The following HSD17B12 variants were observed in gnomAD, a reference collection of about 807,000 sequenced individuals.
HSD17B12 encodes the protein hydroxysteroid 17-beta dehydrogenase 12.
A neutral mutation model predicts 39.3 loss-of-function variants in HSD17B12; 32 were observed. The observed-to-expected ratio is 0.81, with a 90% confidence interval of 0.61 to 1.09. The LOEUF (loss-of-function observed/expected upper bound fraction) is 1.09. HSD17B12 is among the 50% of genes least tolerant of loss of function. HSD17B12 has a pLI of 0.00. For synonymous variants in HSD17B12, 150 were observed against 146.7 expected (o/e 1.02, Z -0.16); for missense variants, 342 against 382.9 (o/e 0.89, Z 0.89).
the HSD17B12 span, among the ~76,000 whole-genome samples, chr11:43,646,733 A>G: frequency 6.6e-6 from 1 of 152,216 alleles, no homozygotes; most frequent in South Asian, 2.1e-4. Flanking sequence ...ATCTCTCTAC[A>G]AAGTGGTGAG....
the HSD17B12 span, among the ~76,000 whole-genome samples, chr11:43,608,875 C>T: frequency 1.3e-5 from 2 of 152,134 alleles, no homozygotes; most frequent in Non-Finnish European, 2.9e-5. Context: ...CTTGCTGCCT[C>T]ATAGGGACCC....
the HSD17B12 span, among the ~76,000 whole-genome samples, chr11:43,635,421 T>A: frequency 6.6e-6 from 1 of 152,038 alleles, no homozygotes; most frequent in African/African-American, 2.4e-5. Flanking sequence ...TTATTTTATT[T>A]TTTAAAATGC....
At chr11:43,787,496 G>A (rs184066079) in intron 3 of HSD17B12, among the ~76,000 whole-genome samples, 352 of 152,068 alleles carry the variant, frequency 2.3e-3, no homozygotes, top group Non-Finnish European at 3.3e-3. Context: ...CAACACTGTG[G>A]GAGGCCGAAG....
chr11:43,631,501 T>C, the HSD17B12 span, among the ~76,000 whole-genome samples: 1 of 152,088 alleles, frequency 6.6e-6, no homozygotes, highest in Non-Finnish European at 1.5e-5. Flanking sequence ...GGTTCCTACA[T>C]GAGGCGGCTG....
chr11:43,592,192 AG>A, the HSD17B12 span, among the ~76,000 whole-genome samples: 1 of 152,080 alleles, frequency 6.6e-6, no homozygotes, highest in Non-Finnish European at 1.5e-5. Flanking sequence ...ACATCAAAAC[AG>A]GTTGTTTTAT....
chr11:43,558,424 AT>A, the HSD17B12 span, among the ~76,000 whole-genome samples: 149,484 of 151,786 alleles, frequency 0.98, 73,638 homozygotes, highest in Middle Eastern at 1. Flanking sequence ...TGAGAGCAGG[AT>A]TTTTTTTTTC....
chr11:43,631,396 T>C, the HSD17B12 span, among the ~76,000 whole-genome samples: 5 of 152,190 alleles, frequency 3.3e-5, no homozygotes, highest in Middle Eastern at 3.2e-3. Context: ...CTTCCAATTT[T>C]TCCAGAACAT....
At chr11:43,820,562 C>T (rs1352789834) in intron 6 of HSD17B12, among the ~76,000 whole-genome samples, 1 of 152,136 alleles carries the variant, frequency 6.6e-6, no homozygotes, top group Non-Finnish European at 1.5e-5. Flanking sequence ...TACAGAATCT[C>T]CAAAGGTTTT....
the HSD17B12 span, among the ~76,000 whole-genome samples, chr11:43,596,785 C>A: frequency 5.3e-5 from 8 of 152,148 alleles, no homozygotes; most frequent in Admixed American, 4.6e-4. Flanking sequence ...ATCTGTCACC[C>A]TTTTCTCATG....
chr11:43,693,457 A>G (rs1949881525), intron 1 of HSD17B12, among the ~76,000 whole-genome samples: 1 of 152,182 alleles, frequency 6.6e-6, no homozygotes, highest in South Asian at 2.1e-4. Context: ...TAAGGATGCC[A>G]TTATGCCATG....
chr11:43,840,387 TA>T (rs2135129501), intron 9 of HSD17B12, among the ~76,000 whole-genome samples: 1 of 152,222 alleles, frequency 6.6e-6, no homozygotes, highest in South Asian at 2.1e-4. Flanking sequence ...TGTGGTAAAA[TA>T]AACATAAAAT....
At position 43,816,441 on chromosome 11, in the gene HSD17B12, C is replaced by T. The variant is rs778632802; in HGVS notation, c.501+50C>T. On this transcript the variant is annotated intron_variant, in intron 6 of 10. Transcript: ENST00000278353. ...TCATCCTTTTTTGGTTCCTTCTATT[C>T]AAAAACACTGACATAATCAGCTTGT... is the stretch of plus-strand genomic sequence containing the variant. 2.1e-6 allele frequency: 3 copies of T among 1,458,618 alleles called. No homozygotes were observed. In the African/African-American group the frequency reaches 4.4e-5, roughly 21 times the overall value. 90.4% of individuals were successfully genotyped at this position (1,458,618 alleles called of 1,614,324 possible). A position where few individuals can be genotyped will look rare whatever the true frequency, so the allele number is the denominator to read the frequency against.
the HSD17B12 span, among the ~76,000 whole-genome samples, chr11:43,631,082 G>C: frequency 6.6e-6 from 1 of 152,196 alleles, no homozygotes; most frequent in Admixed American, 6.5e-5. Flanking sequence ...TGGGATTACA[G>C]GCGTGAGCCA....
intron 1 of HSD17B12, among the ~76,000 whole-genome samples, chr11:43,709,793 AGGGAG>A: frequency 6.6e-6 from 1 of 152,158 alleles, no homozygotes; most frequent in Non-Finnish European, 1.5e-5. Context: ...TGAATAGAAA[AGGGAG>A]AGAGTTGACC....
At chr11:43,799,194 CT>C (rs1950942902) in intron 4 of HSD17B12, among the ~76,000 whole-genome samples, 1 of 151,756 alleles carries the variant, frequency 6.6e-6, no homozygotes, top group Non-Finnish European at 1.5e-5. Flanking sequence ...CACAAATACA[CT>C]GTATAGATCC....
the HSD17B12 span, among the ~76,000 whole-genome samples, chr11:43,599,110 C>T: frequency 6.6e-6 from 1 of 152,224 alleles, no homozygotes; most frequent in Non-Finnish European, 1.5e-5. Context: ...GCTCAACGAT[C>T]TATCCATCTA....
intron 1 of HSD17B12, among the ~76,000 whole-genome samples, chr11:43,729,025 T>C (rs1004176441): frequency 6.6e-6 from 1 of 152,160 alleles, no homozygotes; most frequent in African/African-American, 2.4e-5. Flanking sequence ...CATATTATAA[T>C]GTATTTAGTG....
At chr11:43,601,951 C>T in the HSD17B12 span, among the ~76,000 whole-genome samples, 1 of 152,196 alleles carries the variant, frequency 6.6e-6, no homozygotes, top group Non-Finnish European at 1.5e-5. Context: ...CAGCCCCACC[C>T]CAAAATGGAT....
chr11:43,816,290 C>T (rs369397026), intron 5 of HSD17B12, 57 bp from the exon 6 acceptor site: 1 of 1,342,894 alleles, frequency 7.4e-7, no homozygotes, highest in Non-Finnish European at 1.0e-6. Context: ...AAGTAGATAT[C>T]TAATAGGGTC....
Sources: gnomAD v4.1 joint callset for allele counts (sites outside exome capture counted in the v4.1 genomes callset) on GRCh38, gnomAD v4.1.1 for gene constraint, MANE v1.5 for transcripts, NCBI Gene and HGNC (gene_info 2026-07-23, HGNC 2026-07-21) for gene names.